MDGA2: variants seen among roughly 807,000 people sequenced by gnomAD.
MDGA2 encodes MAM domain containing glycosylphosphatidylinositol anchor 2, also known as MAM domain-containing glycosylphosphatidylinositol anchor protein 2.
A neutral mutation model predicts 117.8 loss-of-function variants in MDGA2; 40 were observed. The ratio of observed to expected loss-of-function variants is 0.34; its 90% CI spans 0.26 to 0.44. MDGA2 has a LOEUF of 0.44. MDGA2 is among the 20% of genes least tolerant of loss of function. The pLI is 1.00. For synonymous variants in MDGA2, 452 were observed against 439.0 expected (o/e 1.03, Z -0.37); for missense variants, 1,123 against 1,250.6 (o/e 0.90, Z 1.54).
chr14:47,050,007 T>C (rs80256082), intron 7 of MDGA2, among the ~76,000 whole-genome samples: 4,811 of 152,062 alleles, frequency 0.032, 260 homozygotes, highest in African/African-American at 0.11. Flanking sequence ...CTTAGTCAAA[T>C]AGGTCAGAAG....
At position 47,218,008 on chromosome 14, in the gene MDGA2, A is replaced by G. The variant is rs750841408; in HGVS notation, c.595+13T>C. 5 of 1,503,890 alleles carry G rather than the reference A, an allele frequency of 3.3e-6. No individual in the cohort carries two copies. Among genetic ancestry groups the G allele is most frequent in the Non-Finnish European group, 4.5e-6 (5 of 1,123,158 alleles). 93.2% of individuals were successfully genotyped at this position (1,503,890 alleles called of 1,614,324 possible). ...AATAGGCTTAATTATAGTTTTCTGG[A>G]AAATTTACTTACAGTATACATCCAC... On this transcript the variant is annotated intron_variant, in intron 3 of 16. Coordinates refer to ENST00000399232, the MANE Select transcript of MDGA2 (RefSeq NM_001113498.3).
chr14:47,453,800 T>C (rs1893289112), intron 1 of MDGA2, among the ~76,000 whole-genome samples: 1 of 152,184 alleles, frequency 6.6e-6, no homozygotes, highest in African/African-American at 2.4e-5. Context: ...AGCCAGTTTA[T>C]AAAAGGAGCT....
At chr14:47,047,905 T>C (rs1038182806) in intron 7 of MDGA2, among the ~76,000 whole-genome samples, 2 of 152,012 alleles carry the variant, frequency 1.3e-5, no homozygotes, top group Non-Finnish European at 2.9e-5. Context: ...AGGATACTAT[T>C]TGAAGAAAAT....
At chr14:47,396,547 A>G (rs4243548) in intron 1 of MDGA2, among the ~76,000 whole-genome samples, 52,960 of 151,882 alleles carry the variant, frequency 0.35, 9,626 homozygotes, top group East Asian at 0.56. Context: ...CAGAGTGAAC[A>G]GGCAACCTAC....
chr14:47,602,782 T>C (rs1383344162), intron 1 of MDGA2, among the ~76,000 whole-genome samples: 1 of 152,154 alleles, frequency 6.6e-6, no homozygotes, highest in Non-Finnish European at 1.5e-5. Context: ...ACATTTCCCT[T>C]ATTCAGGGCT....
chr14:47,230,718 A>T (rs1168361273), intron 2 of MDGA2, among the ~76,000 whole-genome samples: 1 of 151,992 alleles, frequency 6.6e-6, no homozygotes, highest in African/African-American at 2.4e-5. Context: ...TACATCTGTC[A>T]GTTTACAATT....
At chr14:47,054,952 A>G (rs1173478943) in intron 7 of MDGA2, among the ~76,000 whole-genome samples, 1 of 150,412 alleles carries the variant, frequency 6.6e-6, no homozygotes, top group Non-Finnish European at 1.5e-5. Flanking sequence ...TTATCTAGCC[A>G]CTATTCATAA....
At chr14:47,135,969 A>G (rs1343564226) in intron 4 of MDGA2, among the ~76,000 whole-genome samples, 1 of 152,046 alleles carries the variant, frequency 6.6e-6, no homozygotes, top group East Asian at 1.9e-4. Context: ...GTCATATTAG[A>G]GGGGCTATGA....
At chr14:46,901,752 G>A (rs1320183161) in intron 10 of MDGA2, among the ~76,000 whole-genome samples, 1 of 152,126 alleles carries the variant, frequency 6.6e-6, no homozygotes, top group Non-Finnish European at 1.5e-5. Flanking sequence ...TTTAACAACT[G>A]AGGCTCCCTG....
intron 3 of MDGA2, among the ~76,000 whole-genome samples, chr14:47,172,612 C>G (rs954752559): frequency 6.6e-6 from 1 of 152,152 alleles, no homozygotes; most frequent in Admixed American, 6.6e-5. Context: ...GGAAAACTAA[C>G]AAACAGAAAG....
intron 1 of MDGA2, among the ~76,000 whole-genome samples, chr14:47,311,189 C>T (rs751497081): frequency 1.3e-5 from 2 of 152,086 alleles, no homozygotes; most frequent in Admixed American, 6.6e-5. Flanking sequence ...TTGGAAACAT[C>T]CACAAAGCCC....
intron 8 of MDGA2, chr14:46,960,440 G>GAAAATCTAAAACTAAACT (rs1885750364): frequency 6.9e-6 from 1 of 145,624 alleles, no homozygotes; most frequent in Non-Finnish European, 1.5e-5. Flanking sequence ...ATTTTAGTTT[G>GAAAATCTAAAACTAAACT]TGGGCTGGGA....
intron 1 of MDGA2, among the ~76,000 whole-genome samples, chr14:47,407,445 A>G (rs1160310305): frequency 6.6e-6 from 1 of 152,008 alleles, no homozygotes; most frequent in East Asian, 1.9e-4. Context: ...TTGCTTATTC[A>G]TATATTTTGC....
intron 3 of MDGA2, among the ~76,000 whole-genome samples, chr14:47,194,156 G>C (rs912478772): frequency 3.3e-5 from 5 of 152,090 alleles, no homozygotes; most frequent in South Asian, 2.1e-4. Context: ...AACTGAAAGA[G>C]ATTTTCTAGA....
chr14:47,048,256 G>T (rs1224803180), intron 7 of MDGA2, among the ~76,000 whole-genome samples: 1 of 152,032 alleles, frequency 6.6e-6, no homozygotes, highest in Admixed American at 6.6e-5. Flanking sequence ...TGTTAATTAT[G>T]TTATTGCTTT....
At chr14:47,666,173 CTG>C (rs1004824524) in intron 1 of MDGA2, among the ~76,000 whole-genome samples, 27 of 151,110 alleles carry the variant, frequency 1.8e-4, no homozygotes, top group Non-Finnish European at 3.8e-4. Flanking sequence ...AATCGGCACT[CTG>C]TATCTAGCTA....
At chr14:46,865,125 G>A (rs1456471059) in intron 14 of MDGA2, among the ~76,000 whole-genome samples, 1 of 151,966 alleles carries the variant, frequency 6.6e-6, no homozygotes, top group Non-Finnish European at 1.5e-5. Context: ...TACAGTCTTT[G>A]ACCAAAATGA....
chr14:47,630,622 T>C (rs1044444169), intron 1 of MDGA2, among the ~76,000 whole-genome samples: 1 of 152,146 alleles, frequency 6.6e-6, no homozygotes, highest in Non-Finnish European at 1.5e-5. Context: ...ATGGCGATCA[T>C]CAAAATAAGC....
intron 1 of MDGA2, among the ~76,000 whole-genome samples, chr14:47,517,423 A>G (rs1400841478): frequency 2.0e-5 from 3 of 152,336 alleles, no homozygotes; most frequent in East Asian, 3.9e-4. Context: ...GGATATTTAC[A>G]GCAAAATATT....
Sources: allele counts gnomAD v4.1 joint callset (sites outside exome capture counted in the v4.1 genomes callset), GRCh38; gene constraint gnomAD v4.1.1; transcripts MANE v1.5; gene names NCBI Gene and HGNC (gene_info 2026-07-23, HGNC 2026-07-21).